Variants in ARID5B observed in about 807,000 individuals in gnomAD.
ARID5B encodes AT-rich interactive domain-containing protein 5B.
Under a neutral mutation model 97.2 loss-of-function variants are expected in ARID5B, and 13 were observed. That is an observed-to-expected ratio of 0.13 (90% CI 0.09 to 0.21). ARID5B has a LOEUF of 0.21. Ranked by LOEUF, ARID5B falls within the 10% of genes least tolerant of loss-of-function variation. The pLI is 1.00. For synonymous variants in ARID5B, 556 were observed against 570.3 expected, an observed-to-expected ratio of 0.97 and a Z score of 0.36; for missense variants, 1,210 against 1,465.3, an observed-to-expected ratio of 0.83 and a Z score of 2.84.
chr10:62,091,374 C>T lies in ARID5B; in HGVS notation c.1911C>T (p.Asp637=), dbSNP rs1242557392. ...AGGTGGACCAGCTGGGCAGTGACGA[C>T]ATCCACAATGCGCTCAAGCAGACCC... is the stretch of plus-strand genomic sequence containing the variant. ...TVKVDQLGSD[D]IHNALKQTPK... Residue 637 remains aspartate (D), a synonymous_variant, in exon 10 of 10, where the codon GAC becomes GAT. Transcript: ENST00000279873. 6.2e-7 allele frequency: 1 copy of T among 1,614,120 alleles called. No individual in the cohort carries two copies. Among genetic ancestry groups the T allele is most frequent in the Admixed American group, 1.7e-5 (1 of 60,020 alleles).
At chr10:62,001,108 T>C (rs1249154201) in intron 4 of ARID5B, among the ~76,000 whole-genome samples, 1 of 152,222 alleles carries the variant, frequency 6.6e-6, no homozygotes, top group Admixed American at 6.5e-5. Flanking sequence ...CAAGCCAAGA[T>C]AGTCGTTCTC....
At chr10:61,908,212 C>T (rs112318011) in intron 2 of ARID5B, among the ~76,000 whole-genome samples, 1 of 152,130 alleles carries the variant, frequency 6.6e-6, no homozygotes, top group African/African-American at 2.4e-5. Context: ...TAAAAAACTA[C>T]TCGTGAAGTT....
intron 4 of ARID5B, among the ~76,000 whole-genome samples, chr10:62,044,288 G>T (rs1339027168): frequency 6.6e-6 from 1 of 152,004 alleles, no homozygotes; most frequent in Non-Finnish European, 1.5e-5. Flanking sequence ...TAGTGATTGG[G>T]GTTGTCTGCT....
chr10:62,023,800 A>C (rs1184554402), intron 4 of ARID5B, among the ~76,000 whole-genome samples: 1 of 152,262 alleles, frequency 6.6e-6, no homozygotes, highest in African/African-American at 2.4e-5. Flanking sequence ...ATATTTATTG[A>C]ATAGTGACTG....
chr10:62,019,466 A>G (rs1353254189), intron 4 of ARID5B, among the ~76,000 whole-genome samples: 1 of 152,228 alleles, frequency 6.6e-6, no homozygotes, highest in East Asian at 1.9e-4. Context: ...AAAGTGACAT[A>G]AAATATTGTT....
intron 4 of ARID5B, among the ~76,000 whole-genome samples, chr10:62,013,794 G>GTATATATATATATATATA (rs60930079): frequency 9.4e-5 from 13 of 138,946 alleles, no homozygotes; most frequent in African/African-American, 2.8e-4. Flanking sequence ...ATTCCATTGG[G>GTATATATATATATATATA]TATATATATA....
intron 1 of ARID5B, 48 bp downstream of exon 1, chr10:61,901,778 C>G: frequency 6.4e-7 from 1 of 1,573,766 alleles, no homozygotes; most frequent in Non-Finnish European, 8.7e-7. Context: ...CCCCGGCACC[C>G]CCCAACCCCC....
intron 2 of ARID5B, among the ~76,000 whole-genome samples, chr10:61,911,999 G>C (rs1163585942): frequency 6.6e-6 from 1 of 151,900 alleles, no homozygotes; most frequent in Non-Finnish European, 1.5e-5. Context: ...TAGACAGCTT[G>C]ATATAGTTAT....
Position 62,091,196 on chromosome 10 carries a change from A to T in ARID5B, c.1733A>T (p.Lys578Ile), listed in dbSNP as rs142418662. The change falls in exon 10 of 10, where the codon AAA becomes ATA. Residue 578 changes from lysine to isoleucine, a missense_variant. By Grantham distance (102) the Lys-to-Ile change is moderately radical. This residue lies in a region of ARID5B where 800 missense variants were observed against 839.1 expected (regional missense o/e 0.95). Coordinates refer to ENST00000279873, the MANE Select transcript of ARID5B (RefSeq NM_032199.3). ...CTGGTGGACTCAAAACAAGAATCCA[A>T]ACTGTGCTGTTTTACAGAGAGCCCT... The part of the protein sequence containing the change: ...SALVDSKQES[K>I]LCCFTESPES... 5.4e-5 allele frequency: 87 copies of T among 1,614,006 alleles called. No individual in the cohort carries two copies. In the African/African-American group the frequency reaches 9.9e-4, roughly 18 times the overall value.
intron 7 of ARID5B, among the ~76,000 whole-genome samples, chr10:62,067,419 G>A (rs1840008818): frequency 6.6e-6 from 1 of 152,192 alleles, no homozygotes; most frequent in Non-Finnish European, 1.5e-5. Context: ...AAGTGGTTAG[G>A]GTGGACTTTA....
At chr10:61,972,946 T>C (rs1041025877) in intron 3 of ARID5B, among the ~76,000 whole-genome samples, 6 of 152,300 alleles carry the variant, frequency 3.9e-5, no homozygotes, top group African/African-American at 1.4e-4. Context: ...TCATGAGAAG[T>C]TGGGCAAACT....
At chr10:61,924,206 C>T (rs866422465) in intron 2 of ARID5B, among the ~76,000 whole-genome samples, 11 of 152,204 alleles carry the variant, frequency 7.2e-5, no homozygotes, top group African/African-American at 2.4e-4. Flanking sequence ...ACAACCTCCC[C>T]GAGGAGGCAA....
At chr10:61,996,644 C>A (rs1839000532) in intron 3 of ARID5B, among the ~76,000 whole-genome samples, 1 of 151,962 alleles carries the variant, frequency 6.6e-6, no homozygotes. Flanking sequence ...ATATAAAAAA[C>A]CTTTGTGAAT....
In ARID5B at chr10:62,093,676, T is replaced by C. The variant is rs1025575854; in HGVS notation, c.*646T>C. On this transcript the variant is annotated 3_prime_UTR_variant, in exon 10 of 10. Transcript: ENST00000279873. ...CTTTTTTTTTTTTTTTTTTTTTTTT[T>C]TTATTAAATGGTATTGCTTTTGTTT... 8.8e-6 allele frequency: 2 copies of C among 227,312 alleles called. No homozygotes were observed. Among genetic ancestry groups the C allele is most frequent in the African/African-American group, 2.3e-5 (1 of 44,360 alleles). 14.1% of individuals were successfully genotyped at this position (227,312 alleles called of 1,614,324 possible). A position where few individuals can be genotyped will look rare whatever the true frequency, so the allele number is the denominator to read the frequency against.
intron 4 of ARID5B, among the ~76,000 whole-genome samples, chr10:62,036,956 C>CTATGT (rs1266153043): frequency 6.6e-6 from 1 of 152,214 alleles, no homozygotes; most frequent in Admixed American, 6.5e-5. Flanking sequence ...GGCATAACAT[C>CTATGT]TATGGTTTCA....
At position 62,093,651 on chromosome 10, in the gene ARID5B, CTTTTT is replaced by C. The variant is rs57902062; in HGVS notation, c.*644_*648del. Reference sequence around the variant, plus strand: ...CCATTTTCTCCCAGTTCCTTCTCGTCTTTTTTTTTTTTTTTTTTTTTTTTTTTATT... The same window carrying C: ...CCATTTTCTCCCAGTTCCTTCTCGTCTTTTTTTTTTTTTTTTTTTTTTATT... On this transcript the variant is annotated 3_prime_UTR_variant, in exon 10 of 10. Coordinates refer to ENST00000279873, the MANE Select transcript of ARID5B (RefSeq NM_032199.3). The C allele has an allele frequency of 3.9e-3, 334 of 86,584 alleles. No individual in the cohort carries two copies. The highest frequency in any genetic ancestry group is 5.0e-3 in the Admixed American group (22 of 4,444). 5.4% of individuals were successfully genotyped at this position (86,584 alleles called of 1,614,324 possible).
chr10:62,061,715 T>G lies in ARID5B; in HGVS notation c.1101+2420T>G, dbSNP rs557504212. Among the ~76,000 whole-genome samples, 175 of 152,344 alleles carry G rather than the reference T, an allele frequency of 1.1e-3. 1 individual carries two copies. Among genetic ancestry groups the G allele is most frequent in the African/African-American group, 4.0e-3 (168 of 41,584 alleles). On this transcript the variant is annotated intron_variant, in intron 7 of 9. Transcript: ENST00000279873. ...GTGGGCGCCTTCTCAATGGGAAATT[T>G]ATGCCCTCCTTTTAGGCAGATAGGC...
In ARID5B at chr10:62,000,331, T is replaced by C; in HGVS notation, c.733+10T>C. ...ATATGCGATGAGTTTGGTGAGTCTT[T>C]TTTTTTTTTTCCTACCTGATTCTTG... On this transcript the variant is annotated intron_variant, in intron 4 of 9. Coordinates refer to ENST00000279873, the MANE Select transcript of ARID5B (RefSeq NM_032199.3). The surrounding 1 kb of genome is among the most constrained non-coding windows in gnomAD (Gnocchi z 4.4). 6.5e-7 allele frequency: 1 copy of C among 1,540,030 alleles called. No individual in the cohort carries two copies. The highest frequency in any genetic ancestry group is 8.8e-7 in the Non-Finnish European group (1 of 1,134,164).
intron 2 of ARID5B, among the ~76,000 whole-genome samples, chr10:61,919,795 A>C (rs1843979187): frequency 2.6e-5 from 4 of 152,194 alleles, no homozygotes; most frequent in Admixed American, 2.6e-4. Context: ...TAAAATATGC[A>C]TCCCTAACTA....
Sources: gnomAD v4.1 joint callset for allele counts (sites outside exome capture counted in the v4.1 genomes callset) on GRCh38, gnomAD v4.1.1 for gene constraint, gnomAD v4.1.1 regional missense constraint, Gnocchi (gnomAD v3.1) non-coding constraint, MANE v1.5 for transcripts, NCBI Gene and HGNC (gene_info 2026-07-23, HGNC 2026-07-21) for gene names.